Variants in ANKRD11 observed in about 807,000 individuals in gnomAD.
The protein encoded by ANKRD11 is ankyrin repeat domain-containing protein 11.
In ANKRD11, 17 loss-of-function variants were observed where a neutral mutation model predicts 195.7. The observed-to-expected ratio is 0.09, with a 90% CI of 0.06 to 0.13. ANKRD11 has a LOEUF of 0.13. Among genes scored for constraint, ANKRD11 ranks in the 10% least tolerant of loss-of-function variants. ANKRD11 has a pLI of 1.00. For synonymous variants in ANKRD11, 1,953 were observed against 1,528.1 expected (o/e 1.28, Z -6.49); for missense variants, 3,735 against 3,566.1 (o/e 1.05, Z -1.21).
intron 3 of ANKRD11, among the ~76,000 whole-genome samples, chr16:89,305,690 C>CACCT (rs1185144762): frequency 7.9e-4 from 13 of 16,554 alleles, no homozygotes; most frequent in Non-Finnish European, 1.0e-3. Context: ...AGACACGCGC[C>CACCT]ACCTCCCACT....
intron 3 of ANKRD11, chr16:89,313,229 C>G: frequency 8.1e-7 from 1 of 1,227,266 alleles, no homozygotes; most frequent in Non-Finnish European, 1.1e-6. Context: ...GCATGGAGCA[C>G]AATGAGACAG....
At chr16:89,401,291 C>T (rs1209987362) in intron 2 of ANKRD11, among the ~76,000 whole-genome samples, 5 of 152,046 alleles carry the variant, frequency 3.3e-5, no homozygotes, top group Admixed American at 2.6e-4. Context: ...GTTAGCCAGG[C>T]TGGTCTCGAA....
chr16:89,345,252 C>G (rs1567678460), intron 2 of ANKRD11, among the ~76,000 whole-genome samples: 3 of 140,646 alleles, frequency 2.1e-5, no homozygotes, highest in South Asian at 4.9e-4. Context: ...CAAGCCCCCC[C>G]TCCCCACCCC....
intron 2 of ANKRD11, among the ~76,000 whole-genome samples, chr16:89,374,467 A>C (rs1008281196): frequency 1.3e-5 from 2 of 152,234 alleles, no homozygotes; most frequent in Non-Finnish European, 2.9e-5. Flanking sequence ...AAATACCACT[A>C]ATCGGCCCAG....
At chr16:89,278,151 G>A (rs150798518) in intron 9 of ANKRD11, 89 of 284,594 alleles carry the variant, frequency 3.1e-4, no homozygotes, top group Middle Eastern at 1.3e-3. Flanking sequence ...CCAGGGAAGA[G>A]CCAGAACGCC....
At chr16:89,458,349 T>C (rs1010455037) in intron 1 of ANKRD11, among the ~76,000 whole-genome samples, 1 of 151,966 alleles carries the variant, frequency 6.6e-6, no homozygotes, top group African/African-American at 2.4e-5. Flanking sequence ...CTCAGCCTCC[T>C]GAGTAGCTGG....
chr16:89,280,889 T>C lies in ANKRD11; in HGVS notation c.5653A>G (p.Ser1885Gly). 1.2e-6 allele frequency: 2 copies of C among 1,604,058 alleles called. No homozygotes were observed. Among genetic ancestry groups the C allele is most frequent in the Non-Finnish European group, 1.7e-6 (2 of 1,172,886 alleles). The change falls in exon 9 of 13, where the codon AGT becomes GGT. Residue 1885 changes from serine (S) to glycine (G), a missense_variant. Transcript: ENST00000301030. ...VTPSPEGVFSSLQAKPSPSPR... is the reference protein window; with the variant it reads ...VTPSPEGVFSGLQAKPSPSPR... ...GAAGGGGAAGGTTTTGCTTGTAAAC[T>C]TGAGAAGACGCCCTCTGGAGACGGG...
rs1179385410 is a variant in ANKRD11 at position 89,267,815 on chromosome 16, T to C, written c.*663A>G. The C allele has an allele frequency of 6.6e-6, 1 of 152,240 alleles. No homozygotes were observed. Among genetic ancestry groups the C allele is most frequent in the Non-Finnish European group, 1.5e-5 (1 of 68,446 alleles). The allele number at this position is 152,240 out of a possible 1,614,324, so 9.4% of individuals were successfully genotyped here. On this transcript the variant is annotated 3_prime_UTR_variant, in exon 13 of 13. Transcript: ENST00000301030. ...ACTTTTTATATGATTATTGGCTCTG[T>C]AGTGTTTCAAGTTACGTTCTCAGAA... is the stretch of plus-strand genomic sequence containing the variant.
intron 2 of ANKRD11, among the ~76,000 whole-genome samples, chr16:89,377,909 A>G (rs560736512): frequency 1.4e-4 from 22 of 152,154 alleles, no homozygotes; most frequent in African/African-American, 5.3e-4. Context: ...CTTCTACTCA[A>G]TGAAATGATG....
At chr16:89,364,877 G>A (rs141643086) in intron 2 of ANKRD11, among the ~76,000 whole-genome samples, 205 of 152,302 alleles carry the variant, frequency 1.3e-3, no homozygotes, top group Admixed American at 2.7e-3. Context: ...AGCCTGGCAC[G>A]CAGATGGCCC....
At chr16:89,364,552 A>G (rs1413146536) in intron 2 of ANKRD11, among the ~76,000 whole-genome samples, 1 of 152,170 alleles carries the variant, frequency 6.6e-6, no homozygotes, top group Non-Finnish European at 1.5e-5. Context: ...CAGCAGTCAG[A>G]CCCTAAAGCA....
At chr16:89,408,515 G>A (rs538943054) in intron 2 of ANKRD11, among the ~76,000 whole-genome samples, 10 of 152,330 alleles carry the variant, frequency 6.6e-5, no homozygotes, top group Non-Finnish European at 1.0e-4. Context: ...CTGGCACACC[G>A]CAGGCCAGCT....
At chr16:89,442,822 A>G (rs1490154439) in intron 1 of ANKRD11, among the ~76,000 whole-genome samples, 1 of 152,136 alleles carries the variant, frequency 6.6e-6, no homozygotes, top group Non-Finnish European at 1.5e-5. Context: ...CGGCCTGGTG[A>G]GCCTCCGGCG....
chr16:89,312,731 C>A (rs1027761096), intron 3 of ANKRD11, among the ~76,000 whole-genome samples: 2 of 152,240 alleles, frequency 1.3e-5, no homozygotes, highest in South Asian at 2.1e-4. Context: ...CCTCCCGAAG[C>A]ATGCGGGGGA....
chr16:89,439,401 A>G (rs2043350588), intron 1 of ANKRD11, among the ~76,000 whole-genome samples: 1 of 152,246 alleles, frequency 6.6e-6, no homozygotes, highest in Admixed American at 6.5e-5. Context: ...CAATAAACCC[A>G]GTGTAAAGTC....
intron 1 of ANKRD11, among the ~76,000 whole-genome samples, chr16:89,442,182 G>C (rs1224534392): frequency 6.6e-6 from 1 of 152,220 alleles, no homozygotes; most frequent in Non-Finnish European, 1.5e-5. Flanking sequence ...AGCAGAGGGA[G>C]GACACCCCAG....
chr16:89,418,892 C>T (rs940148196), intron 1 of ANKRD11, among the ~76,000 whole-genome samples: 2 of 151,938 alleles, frequency 1.3e-5, no homozygotes, highest in Non-Finnish European at 2.9e-5. Context: ...ACCTCAGCCT[C>T]CCGAGTAGAT....
intron 2 of ANKRD11, among the ~76,000 whole-genome samples, chr16:89,386,862 C>T (rs541686794): frequency 2.6e-5 from 4 of 152,098 alleles, no homozygotes; most frequent in Admixed American, 6.5e-5. Flanking sequence ...GAGCTGTGTG[C>T]GAACAGACAA....
chr16:89,415,146 G>A (rs1194361114), intron 2 of ANKRD11, among the ~76,000 whole-genome samples: 2 of 151,674 alleles, frequency 1.3e-5, no homozygotes, highest in Non-Finnish European at 2.9e-5. Flanking sequence ...TAGAGATGCG[G>A]TCTCGTCATG....
Sources: allele counts gnomAD v4.1 joint callset (sites outside exome capture counted in the v4.1 genomes callset), GRCh38; gene constraint gnomAD v4.1.1; transcripts MANE v1.5; gene names NCBI Gene and HGNC (gene_info 2026-07-23, HGNC 2026-07-21).